Variants in VWF observed in about 807,000 individuals in gnomAD.
The protein encoded by VWF is Factor VIII related antigen.
A neutral mutation model predicts 308.6 loss-of-function variants in VWF; 176 were observed. The observed-to-expected ratio is 0.57, with a 90% CI of 0.50 to 0.65. The LOEUF is 0.65. VWF is among the 30% of genes least tolerant of loss of function. VWF has a pLI of 0.00. For missense variants in VWF, 3,146 were observed against 3,648.2 expected (o/e 0.86, Z 3.55); for synonymous variants, 1,385 against 1,443.4 (o/e 0.96, Z 0.92).
intron 22 of VWF, among the ~76,000 whole-genome samples, chr12:6,027,281 G>A (rs1032068039): frequency 2.0e-5 from 3 of 152,122 alleles, no homozygotes; most frequent in East Asian, 1.9e-4. Context: ...GCCTCGGCAC[G>A]TGCTTGTTCC....
At chr12:6,082,762 G>A (rs957056086) in intron 6 of VWF, among the ~76,000 whole-genome samples, 5 of 152,176 alleles carry the variant, frequency 3.3e-5, no homozygotes, top group Admixed American at 6.5e-5. Context: ...GTTCTGATTC[G>A]GGGGCTGCCT....
At chr12:6,057,135 GTCAAC>G in intron 14 of VWF, 63 bp from the exon 15 acceptor site, 1 of 1,427,532 alleles carries the variant, frequency 7.0e-7, no homozygotes, top group East Asian at 2.6e-5. Context: ...CGCCCTCCCG[GTCAAC>G]ACTCCCCTGG....
At chr12:5,960,889 A>G (rs377083981) in intron 47 of VWF, among the ~76,000 whole-genome samples, 1 of 152,234 alleles carries the variant, frequency 6.6e-6, no homozygotes, top group East Asian at 1.9e-4. Flanking sequence ...CCTGTTAGGA[A>G]CTGGGCTGCA....
chr12:6,003,082 A>C (rs1395933570), intron 34 of VWF, among the ~76,000 whole-genome samples: 2 of 152,224 alleles, frequency 1.3e-5, no homozygotes, highest in Admixed American at 1.3e-4. Flanking sequence ...AAAATTATCA[A>C]AGAGCTAAAA....
At position 6,060,403 on chromosome 12, in the gene VWF, T is replaced by C. The variant is rs1306638804; in HGVS notation, c.1534-2359A>G. ...CCGGGGGGCCCCTAGCTGCACCTCC[T>C]CTTGCACCGCCTCTGCCCCAGCTGG... is the stretch of plus-strand genomic sequence containing the variant. On this transcript the variant is annotated intron_variant, in intron 13 of 51. Transcript: ENST00000261405. The surrounding 1 kb of genome is among the most constrained non-coding windows in gnomAD (Gnocchi z 5.1). 1.3e-5 allele frequency among the ~76,000 whole-genome samples: 2 copies of C among 151,874 alleles called. No homozygotes were observed. Among genetic ancestry groups the C allele is most frequent in the Non-Finnish European group, 2.9e-5 (2 of 67,954 alleles).
intron 34 of VWF, among the ~76,000 whole-genome samples, chr12:5,998,134 T>C (rs377372476): frequency 3.9e-5 from 6 of 152,214 alleles, no homozygotes; most frequent in African/African-American, 1.4e-4. Context: ...TAAAGTGAAT[T>C]GTTAGCAAAA....
At chr12:6,055,073 G>A (rs532674983) in intron 15 of VWF, among the ~76,000 whole-genome samples, 19 of 151,994 alleles carry the variant, frequency 1.3e-4, no homozygotes, top group Non-Finnish European at 2.2e-4. Context: ...CTACCCTATC[G>A]TAATGCCTCA....
At chr12:5,998,821 C>T (rs1303464561) in intron 34 of VWF, among the ~76,000 whole-genome samples, 13 of 152,108 alleles carry the variant, frequency 8.5e-5, no homozygotes, top group Non-Finnish European at 1.6e-4. Flanking sequence ...TCCGCCTCCC[C>T]GGGTTCAGGC....
chr12:5,962,472 A>G (rs1020880133), intron 47 of VWF, among the ~76,000 whole-genome samples: 12 of 152,072 alleles, frequency 7.9e-5, no homozygotes, highest in African/African-American at 2.7e-4. Flanking sequence ...TGGTGAGACC[A>G]TAAGGATAGA....
intron 34 of VWF, among the ~76,000 whole-genome samples, chr12:6,004,225 C>A (rs1327412486): frequency 2.0e-5 from 3 of 152,118 alleles, no homozygotes; most frequent in East Asian, 3.9e-4. Flanking sequence ...GAATCCAACA[C>A]CACATTATGA....
At chr12:6,085,365 A>G (rs986341762) in intron 6 of VWF, among the ~76,000 whole-genome samples, 75 of 152,344 alleles carry the variant, frequency 4.9e-4, no homozygotes, top group Non-Finnish European at 9.3e-4. Context: ...AACCCCAGAC[A>G]GTCTTTCATG....
At chr12:6,037,227 T>C (rs995539751) in intron 18 of VWF, among the ~76,000 whole-genome samples, 1 of 152,136 alleles carries the variant, frequency 6.6e-6, no homozygotes, top group African/African-American at 2.4e-5. Flanking sequence ...AGTTTTAAAA[T>C]TTTTTTCCAA....
At chr12:6,050,872 T>G (rs907663411) in intron 16 of VWF, among the ~76,000 whole-genome samples, 4 of 151,938 alleles carry the variant, frequency 2.6e-5, no homozygotes, top group Non-Finnish European at 5.9e-5. Flanking sequence ...AGAGAATCGC[T>G]TGAACCCCAG....
At chr12:6,028,100 C>T (rs11608550) in intron 22 of VWF, among the ~76,000 whole-genome samples, 37,301 of 152,046 alleles carry the variant, frequency 0.25, 4,841 homozygotes, top group African/African-American at 0.3. Context: ...GCTGTGGAGG[C>T]CATTCCTGCC....
chr12:6,005,654 A>G (rs1193585595), intron 34 of VWF, among the ~76,000 whole-genome samples: 5 of 152,234 alleles, frequency 3.3e-5, no homozygotes, highest in African/African-American at 4.8e-5. Flanking sequence ...AAAGGGGGCC[A>G]CAATGAGACT....
At chr12:6,080,957 T>G (rs1944902647) in intron 6 of VWF, among the ~76,000 whole-genome samples, 1 of 152,068 alleles carries the variant, frequency 6.6e-6, no homozygotes, top group Admixed American at 6.6e-5. Context: ...CACCAGTGGG[T>G]GGGGTGGGCA....
At chr12:5,993,354 G>A (rs1943765858) in intron 37 of VWF, among the ~76,000 whole-genome samples, 1 of 152,124 alleles carries the variant, frequency 6.6e-6, no homozygotes, top group Admixed American at 6.5e-5. Context: ...TAGCAATCCT[G>A]CAGTGTTTAT....
intron 2 of VWF, 101 bp downstream of exon 2, chr12:6,123,041 G>T: frequency 1.4e-6 from 2 of 1,460,186 alleles, no homozygotes; most frequent in Non-Finnish European, 9.6e-7. Flanking sequence ...TTAGGGCTGG[G>T]CACACAGGTG....
At chr12:5,999,471 T>TACACAC (rs3062521) in intron 34 of VWF, among the ~76,000 whole-genome samples, 12,526 of 143,510 alleles carry the variant, frequency 0.087, 920 homozygotes, top group East Asian at 0.37. Flanking sequence ...TGTACACACA[T>TACACAC]ACACACACAC....
Sources: gnomAD v4.1 joint callset for allele counts (sites outside exome capture counted in the v4.1 genomes callset) on GRCh38, gnomAD v4.1.1 for gene constraint, Gnocchi (gnomAD v3.1) non-coding constraint, MANE v1.5 for transcripts, NCBI Gene and HGNC (gene_info 2026-07-23, HGNC 2026-07-21) for gene names.